FCHO2: variants seen among roughly 807,000 people sequenced by gnomAD.
The protein encoded by FCHO2 is FCH and mu domain containing endocytic adaptor 2, also known as F-BAR domain only protein 2.
In FCHO2, 43 loss-of-function variants were observed where a neutral mutation model predicts 114.1. That is an observed-to-expected ratio of 0.38 (90% CI 0.30 to 0.49). FCHO2 has a LOEUF of 0.49. Among genes scored for constraint, FCHO2 ranks in the 20% least tolerant of loss-of-function variants. FCHO2 has a pLI of 0.97. For synonymous variants in FCHO2, 293 were observed against 315.2 expected (o/e 0.93, Z 0.75); for missense variants, 807 against 950.4 (o/e 0.85, Z 1.98).
intron 2 of FCHO2, among the ~76,000 whole-genome samples, chr5:72,977,027 G>T (rs1752929413): frequency 6.6e-6 from 1 of 152,156 alleles, no homozygotes; most frequent in African/African-American, 2.4e-5. Flanking sequence ...GTCTGTGATT[G>T]ATGTGCATTT....
chr5:73,063,763 T>C (rs1015631617), intron 17 of FCHO2, 78 bp from the exon 18 acceptor site: 2 of 1,328,870 alleles, frequency 1.5e-6, no homozygotes, highest in Non-Finnish European at 2.1e-6. Flanking sequence ...CAAAAGTTTC[T>C]TTATAATAGA....
chr5:72,991,926 A>G (rs767478023), intron 5 of FCHO2, among the ~76,000 whole-genome samples: 1 of 152,232 alleles, frequency 6.6e-6, no homozygotes, highest in Non-Finnish European at 1.5e-5. Context: ...TTAACAACAG[A>G]TGATGATAGA....
intron 8 of FCHO2, among the ~76,000 whole-genome samples, chr5:73,031,266 A>C (rs991317703): frequency 6.6e-6 from 1 of 152,176 alleles, no homozygotes; most frequent in Non-Finnish European, 1.5e-5. Context: ...ACACATGCAC[A>C]CACCCCTTCA....
At chr5:72,998,072 A>G (rs1484120283) in intron 5 of FCHO2, among the ~76,000 whole-genome samples, 1 of 152,130 alleles carries the variant, frequency 6.6e-6, no homozygotes, top group Non-Finnish European at 1.5e-5. Flanking sequence ...ATTTATATAC[A>G]GGTAAAGTAT....
At chr5:72,986,900 G>A (rs1197938730) in intron 2 of FCHO2, among the ~76,000 whole-genome samples, 1 of 136,798 alleles carries the variant, frequency 7.3e-6, no homozygotes, top group Non-Finnish European at 1.5e-5. Context: ...TTTTTTTTGA[G>A]ACGGAGTCTC....
intron 1 of FCHO2, among the ~76,000 whole-genome samples, chr5:72,959,779 C>CTTTT (rs972805765): frequency 6.9e-6 from 1 of 145,112 alleles, no homozygotes. Flanking sequence ...TCTCTTCTTT[C>CTTTT]TTTTTTTTTT....
chr5:72,959,904 C>G (rs999983712), intron 1 of FCHO2, among the ~76,000 whole-genome samples: 1 of 152,118 alleles, frequency 6.6e-6, no homozygotes, highest in African/African-American at 2.4e-5. Context: ...CTCAGCCTTC[C>G]AAGTAGGTGC....
chr5:73,012,816 A>G (rs1003019361), intron 6 of FCHO2, among the ~76,000 whole-genome samples: 5 of 152,092 alleles, frequency 3.3e-5, no homozygotes, highest in African/African-American at 9.7e-5. Flanking sequence ...TGTGATAGTT[A>G]GCAGTGTGCC....
chr5:73,015,713 C>A lies in FCHO2; in HGVS notation c.688C>A (p.Gln230Lys). The A allele has an allele frequency of 6.4e-7, 1 of 1,570,684 alleles. No homozygotes were observed. Among genetic ancestry groups the A allele is most frequent in the South Asian group, 1.2e-5 (1 of 82,724 alleles). The change falls in exon 7 of 26, where the codon CAG becomes AAG. Residue 230 changes from glutamine (Q) to lysine (K), a missense_variant. Physicochemically the swap from Gln to Lys is moderately conservative, Grantham distance 53. Coordinates refer to ENST00000430046, the MANE Select transcript of FCHO2 (RefSeq NM_138782.3). Reference protein sequence around the residue: ...LSNAIKEIHLQIGQVHEEFIN... With the variant: ...LSNAIKEIHLKIGQVHEEFIN... ...AAATGCTATAAAGGAAATTCATTTG[C>A]AGATAGGCCAGGTAAGTTTTTTTAC...
At chr5:72,983,507 A>G (rs1753344143) in intron 2 of FCHO2, among the ~76,000 whole-genome samples, 1 of 149,358 alleles carries the variant, frequency 6.7e-6, no homozygotes, top group South Asian at 2.1e-4. Flanking sequence ...GGGACTATAC[A>G]TATGTGGCAC....
At chr5:73,037,749 T>G in intron 10 of FCHO2, 1 of 404,682 alleles carries the variant, frequency 2.5e-6, no homozygotes, top group Non-Finnish European at 4.8e-6. Context: ...CTTATAAGTC[T>G]GATTTACCTT....
chr5:72,988,728 T>C (rs1753667644), intron 2 of FCHO2, among the ~76,000 whole-genome samples: 1 of 152,214 alleles, frequency 6.6e-6, no homozygotes, highest in Non-Finnish European at 1.5e-5. Context: ...CTTGTTCTAT[T>C]AAATGTGCAT....
chr5:73,022,310 A>G (rs1755670214), intron 8 of FCHO2, among the ~76,000 whole-genome samples: 1 of 152,210 alleles, frequency 6.6e-6, no homozygotes, highest in Non-Finnish European at 1.5e-5. Context: ...TTCTTAAAGT[A>G]TTACACTAGA....
rs1742832448 is a variant in FCHO2 at position 73,074,761 on chromosome 5, C to T, written c.1599C>T (p.Ser533=). ...TPTVGVSRGP[S]PVSLGNQDTL... ...TTCTAGGTGTGTCACGGGGTCCCAG[C>T]CCTGTCAGCCTTGGAAATCAGGATA... Residue 533 remains serine, a synonymous_variant, in exon 20 of 26, where the codon AGC becomes AGT. Transcript: ENST00000430046. The T allele has an allele frequency of 9.3e-6, 15 of 1,612,638 alleles. No homozygotes were observed. The highest frequency in any genetic ancestry group is 1.3e-5 in the Non-Finnish European group (15 of 1,179,326).
At chr5:72,965,004 TA>T (rs547076357) in intron 1 of FCHO2, among the ~76,000 whole-genome samples, 97 of 143,166 alleles carry the variant, frequency 6.8e-4, no homozygotes, top group South Asian at 8.9e-4. Context: ...GTTATCAGAT[TA>T]AAAAAAAAAA....
At chr5:73,029,139 A>G (rs1412336653) in intron 8 of FCHO2, among the ~76,000 whole-genome samples, 1 of 152,182 alleles carries the variant, frequency 6.6e-6, no homozygotes, top group Admixed American at 6.5e-5. Context: ...ATTTAAGTAG[A>G]TGTAGTTTAT....
intron 2 of FCHO2, among the ~76,000 whole-genome samples, chr5:72,986,470 C>G (rs976348340): frequency 4.6e-5 from 7 of 152,154 alleles, no homozygotes; most frequent in African/African-American, 1.2e-4. Context: ...CTGGATACCC[C>G]CAAGGAAGAA....
intron 11 of FCHO2, among the ~76,000 whole-genome samples, chr5:73,045,820 T>G (rs1483580685): frequency 6.6e-6 from 1 of 152,254 alleles, no homozygotes; most frequent in Non-Finnish European, 1.5e-5. Flanking sequence ...TTTTAATTGA[T>G]ATATTTGGAC....
chr5:73,063,699 A>G, intron 17 of FCHO2, 142 bp from the exon 18 acceptor site: 1 of 699,148 alleles, frequency 1.4e-6, no homozygotes, highest in Non-Finnish European at 2.5e-6. Flanking sequence ...CAATATTTCA[A>G]CATCTATAAT....
Sources: allele counts gnomAD v4.1 joint callset (sites outside exome capture counted in the v4.1 genomes callset), GRCh38; gene constraint gnomAD v4.1.1; transcripts MANE v1.5; gene names NCBI Gene and HGNC (gene_info 2026-07-23, HGNC 2026-07-21).